The following NTN1 variants were observed in gnomAD, a reference collection of about 807,000 sequenced individuals.
NTN1 encodes netrin 1, also known as netrin-1.
Under a neutral mutation model 54.2 loss-of-function variants are expected in NTN1, and 11 were observed. That is an observed-to-expected ratio of 0.20 (90% confidence interval 0.13 to 0.34). The LOEUF (loss-of-function observed/expected upper bound fraction) is 0.34. Among genes scored for constraint, NTN1 ranks in the 10% least tolerant of loss-of-function variants. The probability of loss-of-function intolerance (pLI) is 1.00; values close to 1 mark genes in which losing one functional copy is unlikely to be tolerated. For synonymous variants in NTN1, 371 were observed against 382.0 expected, an observed-to-expected ratio of 0.97 and a Z score of 0.33; for missense variants, 740 against 893.1, an observed-to-expected ratio of 0.83 and a Z score of 2.18.
intron 2 of NTN1, among the ~76,000 whole-genome samples, chr17:9,052,035 C>A (rs1167797222): frequency 6.6e-6 from 1 of 151,810 alleles, no homozygotes; most frequent in African/African-American, 2.4e-5. Context: ...TGCAATGATG[C>A]GATCTCAGCT....
intron 2 of NTN1, among the ~76,000 whole-genome samples, chr17:9,033,718 G>A (rs1029802609): frequency 1.3e-5 from 2 of 152,200 alleles, no homozygotes; most frequent in Non-Finnish European, 2.9e-5. Flanking sequence ...GGGAGTTCGA[G>A]ACCAGCCAGA....
chr17:9,168,361 T>C (rs866030762), intron 3 of NTN1, among the ~76,000 whole-genome samples: 1 of 152,066 alleles, frequency 6.6e-6, no homozygotes. Flanking sequence ...GGAGAAACCC[T>C]GTCTCTACTA....
Position 9,240,962 on chromosome 17 carries a change from TACGGCAGTGAC to T in NTN1, c.*997_*1007del, listed in dbSNP as rs1254618349. 1 of 152,292 alleles carries T rather than the reference TACGGCAGTGAC, an allele frequency of 6.6e-6. No homozygotes were observed. Among genetic ancestry groups the T allele is most frequent in the East Asian group, 1.9e-4 (1 of 5,192 alleles). The allele number at this position is 152,292 out of a possible 1,614,324, so 9.4% of individuals were successfully genotyped here. ...GAGGGGGAGGGGCACTGGCTGGGTT[TACGGCAGTGAC>T]ACTATTTATGTAAATGACATCAGCT... On this transcript the variant is annotated 3_prime_UTR_variant, in exon 7 of 7. Transcript: ENST00000173229.
chr17:9,041,258 C>G (rs1006249986), intron 2 of NTN1, among the ~76,000 whole-genome samples: 1 of 151,988 alleles, frequency 6.6e-6, no homozygotes, highest in African/African-American at 2.4e-5. Flanking sequence ...TTAGTATGTT[C>G]GTCGATTGGT....
At chr17:9,236,920 C>T (rs1393823201) in intron 6 of NTN1, among the ~76,000 whole-genome samples, 8 of 152,234 alleles carry the variant, frequency 5.3e-5, no homozygotes, top group Admixed American at 4.6e-4. Flanking sequence ...GCTCACTGGC[C>T]CTTCTGCTAT....
intron 2 of NTN1, among the ~76,000 whole-genome samples, chr17:9,118,900 G>C (rs1468803429): frequency 6.6e-6 from 1 of 152,172 alleles, no homozygotes; most frequent in Non-Finnish European, 1.5e-5. Flanking sequence ...TCATTCACTG[G>C]ATAAGGGACA....
chr17:9,217,534 C>T (rs1013076952), intron 5 of NTN1, among the ~76,000 whole-genome samples: 1 of 152,048 alleles, frequency 6.6e-6, no homozygotes, highest in Non-Finnish European at 1.5e-5. Context: ...TTTGTGTGTA[C>T]CATAGAGAGA....
At chr17:9,202,389 C>G (rs1263704011) in intron 5 of NTN1, among the ~76,000 whole-genome samples, 1 of 152,196 alleles carries the variant, frequency 6.6e-6, no homozygotes, top group Non-Finnish European at 1.5e-5. Flanking sequence ...ACAGTGGGCT[C>G]TTTGTGAGGG....
At position 9,172,465 on chromosome 17, in the gene NTN1, C is replaced by T. The variant is rs371095543; in HGVS notation, c.1208-7342C>T. ...CTGCACTCCAGCCTGGGCGACAGAG[C>T]GAGACTCCGTCTCAAAAAAAGAGAA... On this transcript the variant is annotated intron_variant, in intron 3 of 6. Transcript: ENST00000173229. Among the ~76,000 whole-genome samples, 316 of 150,442 alleles carry T rather than the reference C, an allele frequency of 2.1e-3. 8 individuals carry two copies. The highest frequency in any genetic ancestry group is 3.6e-3 in the Middle Eastern group (1 of 276).
At chr17:9,095,596 C>T (rs2092128906) in intron 2 of NTN1, among the ~76,000 whole-genome samples, 2 of 152,188 alleles carry the variant, frequency 1.3e-5, no homozygotes, top group South Asian at 4.1e-4. Flanking sequence ...GCCAGTGCCA[C>T]ACTGTTTTAA....
intron 2 of NTN1, among the ~76,000 whole-genome samples, chr17:9,100,014 G>A (rs898466628): frequency 2.6e-5 from 4 of 151,946 alleles, no homozygotes; most frequent in Admixed American, 2.6e-4. Flanking sequence ...GGTCTCACTT[G>A]TGTTGCCCAG....
intron 6 of NTN1, among the ~76,000 whole-genome samples, chr17:9,233,667 T>G (rs1313351917): frequency 6.6e-6 from 1 of 152,008 alleles, no homozygotes; most frequent in East Asian, 1.9e-4. Context: ...AAGCATAGGC[T>G]GTGACCTAGA....
rs964395503 is a variant in NTN1 at position 9,243,710 on chromosome 17, C to G, written c.*3742C>G. On this transcript the variant is annotated 3_prime_UTR_variant, in exon 7 of 7. Coordinates refer to ENST00000173229, the MANE Select transcript of NTN1 (RefSeq NM_004822.3). ...AAATGCACTTCCCCTCCTCCCTCTG[C>G]CCCCTCCTGTGTTTTGGATTTCTGT... The G allele has an allele frequency of 6.6e-6, 1 of 152,256 alleles. No homozygotes were observed. The highest frequency in any genetic ancestry group is 6.5e-5 in the Admixed American group (1 of 15,280). The allele number at this position is 152,256 out of a possible 1,614,324, so 9.4% of individuals were successfully genotyped here.
chr17:9,183,827 T>C (rs2092425940), intron 5 of NTN1, among the ~76,000 whole-genome samples: 2 of 152,208 alleles, frequency 1.3e-5, no homozygotes, highest in Non-Finnish European at 2.9e-5. Flanking sequence ...CAAGAAATGT[T>C]GCATAGCTCT....
At chr17:9,106,685 T>C (rs1344663928) in intron 2 of NTN1, among the ~76,000 whole-genome samples, 1 of 152,116 alleles carries the variant, frequency 6.6e-6, no homozygotes, top group East Asian at 1.9e-4. Context: ...GGCTAATTTT[T>C]GTATTTTTAG....
At chr17:9,018,644 A>G (rs1374341311), upstream of NTN1, among the ~76,000 whole-genome samples, 1 of 132,684 alleles carries the variant, frequency 7.5e-6, no homozygotes, top group Non-Finnish European at 1.6e-5. Flanking sequence ...AAAAAAAAAA[A>G]GGCTCTGTGG....
Position 9,022,451 on chromosome 17 carries a change from C to G in NTN1, c.78C>G (p.Pro26=), listed in dbSNP as rs1360689180. 7 of 1,471,772 alleles carry G rather than the reference C, an allele frequency of 4.8e-6. No individual in the cohort carries two copies. The highest frequency in any genetic ancestry group is 2.4e-5 in the Admixed American group (1 of 41,110). 91.2% of individuals were successfully genotyped at this position (1,471,772 alleles called of 1,614,324 possible). ...TGGTGGGCGCGGTGCGCGGCGGGCCCGGGCTCAGCATGTTCGCGGGCCAGG... is the reference window on the plus strand; with the variant it reads ...TGGTGGGCGCGGTGCGCGGCGGGCCGGGGCTCAGCATGTTCGCGGGCCAGG... ...ACLVGAVRGG[P]GLSMFAGQAA... is the part of the protein sequence containing the mutation. Residue 26 remains proline, a synonymous_variant, in exon 2 of 7, where the codon CCC becomes CCG. Transcript: ENST00000173229.
rs1405904493 is a variant in NTN1 at position 9,242,254 on chromosome 17, C to T, written c.*2286C>T. The T allele has an allele frequency of 6.6e-6, 1 of 152,326 alleles. No homozygotes were observed. Among genetic ancestry groups the T allele is most frequent in the Non-Finnish European group, 1.5e-5 (1 of 68,134 alleles). 9.4% of individuals were successfully genotyped at this position (152,326 alleles called of 1,614,324 possible). On this transcript the variant is annotated 3_prime_UTR_variant, in exon 7 of 7. Transcript: ENST00000173229. ...CCTCAGGGGCAGGGAGCAGACAGAC[C>T]TGCCCTGGGAAGGGGCATTTGGCTT...
intron 2 of NTN1, among the ~76,000 whole-genome samples, chr17:9,119,718 G>A (rs956459951): frequency 3.9e-5 from 6 of 151,982 alleles, no homozygotes; most frequent in South Asian, 2.1e-4. Context: ...GGCTGGTCTC[G>A]AACTCCTGGC....
Sources: gnomAD v4.1 joint callset for allele counts (sites outside exome capture counted in the v4.1 genomes callset) on GRCh38, gnomAD v4.1.1 for gene constraint, MANE v1.5 for transcripts, NCBI Gene and HGNC (gene_info 2026-07-23, HGNC 2026-07-21) for gene names.